The following ZNF385D variants were observed in gnomAD, a reference collection of about 807,000 sequenced individuals.
ZNF385D encodes zinc finger protein 385D, also known as zinc finger protein 659.
Under a neutral mutation model 35.8 loss-of-function variants are expected in ZNF385D, and 15 were observed. That is an observed-to-expected ratio of 0.42 (90% CI 0.28 to 0.64). The LOEUF (loss-of-function observed/expected upper bound fraction) is 0.64. Ranked by LOEUF, ZNF385D falls within the 30% of genes least tolerant of loss-of-function variation. The probability of loss-of-function intolerance (pLI) is 0.23; values close to 1 mark genes in which losing one functional copy is unlikely to be tolerated. For synonymous variants in ZNF385D, 212 were observed against 186.8 expected (o/e 1.13, Z -1.10); for missense variants, 474 against 494.6 (o/e 0.96, Z 0.39).
intron 3 of ZNF385D, among the ~76,000 whole-genome samples, chr3:22,045,409 C>T (rs1306758428): frequency 6.6e-6 from 1 of 152,190 alleles, no homozygotes; most frequent in East Asian, 1.9e-4. Flanking sequence ...AGATGATATC[C>T]AGAACTGAAG....
intron 2 of ZNF385D, among the ~76,000 whole-genome samples, chr3:21,608,012 C>CTTTTTTTTTTTTTTTT (rs368555930): frequency 1.1e-4 from 14 of 123,946 alleles, no homozygotes; most frequent in African/African-American, 4.1e-4. Flanking sequence ...TCTTTTTCTT[C>CTTTTTTTTTTTTTTTT]TTTTTTTTTT....
chr3:21,689,728 T>C (rs1481206250), intron 1 of ZNF385D, among the ~76,000 whole-genome samples: 2 of 152,108 alleles, frequency 1.3e-5, no homozygotes, highest in African/African-American at 4.8e-5. Flanking sequence ...CCTGTAGGGC[T>C]AATTACCACA....
chr3:22,327,159 T>TA (rs1293667683), intron 2 of ZNF385D, among the ~76,000 whole-genome samples: 1 of 152,072 alleles, frequency 6.6e-6, no homozygotes, highest in Non-Finnish European at 1.5e-5. Flanking sequence ...AATCTCACCC[T>TA]ACCACCCTTA....
rs192746522 is a variant in ZNF385D at position 22,179,017 on chromosome 3, G to A, written c.107-9982C>T. On this transcript the variant is annotated intron_variant, in intron 2 of 5. Transcript: ENST00000494108. ...GTAGTATAGTTTGAAGTCAGGCAGC[G>A]TGATGCCTCCAGCTTTGTTCTTTTG... Among the ~76,000 whole-genome samples the A allele has an allele frequency of 1.2e-3, 178 of 152,178 alleles. 1 individual carries two copies. The highest frequency in any genetic ancestry group is 3.7e-3 in the African/African-American group (154 of 41,542).
At chr3:22,049,666 TTTA>T (rs1401942910) in intron 3 of ZNF385D, among the ~76,000 whole-genome samples, 1 of 152,194 alleles carries the variant, frequency 6.6e-6, no homozygotes. Flanking sequence ...ATATATGGCC[TTTA>T]TTGTGTCGAA....
At chr3:21,874,131 T>C (rs561065063) in intron 3 of ZNF385D, among the ~76,000 whole-genome samples, 1 of 152,170 alleles carries the variant, frequency 6.6e-6, no homozygotes, top group South Asian at 2.1e-4. Context: ...GGGTTCCATT[T>C]TTTCCATATT....
At chr3:21,836,413 T>C (rs1462660725) in intron 3 of ZNF385D, among the ~76,000 whole-genome samples, 1 of 152,106 alleles carries the variant, frequency 6.6e-6, no homozygotes, top group African/African-American at 2.4e-5. Flanking sequence ...AAACAAGATA[T>C]GAAGACTGTG....
At chr3:21,867,862 G>C (rs373230060) in intron 3 of ZNF385D, among the ~76,000 whole-genome samples, 1 of 151,938 alleles carries the variant, frequency 6.6e-6, no homozygotes, top group South Asian at 2.1e-4. Flanking sequence ...TGTCACTCTT[G>C]AACACTTAAA....
At chr3:22,012,721 A>G (rs907833823) in intron 3 of ZNF385D, among the ~76,000 whole-genome samples, 13 of 152,120 alleles carry the variant, frequency 8.5e-5, no homozygotes, top group Non-Finnish European at 1.3e-4. Flanking sequence ...TGAGTTCCCA[A>G]TGGTGCCTAC....
chr3:21,727,964 G>C (rs977262081), intron 1 of ZNF385D, among the ~76,000 whole-genome samples: 5 of 151,334 alleles, frequency 3.3e-5, no homozygotes, highest in African/African-American at 1.2e-4. Context: ...CCATAAAAAA[G>C]GATGAGTTCA....
chr3:22,195,103 C>CA (rs1696320760), intron 2 of ZNF385D, among the ~76,000 whole-genome samples: 2 of 151,748 alleles, frequency 1.3e-5, no homozygotes, highest in African/African-American at 2.4e-5. Context: ...ATGAGAGTTC[C>CA]AATTGCTCCC....
chr3:21,592,073 T>C (rs530751668), intron 2 of ZNF385D, among the ~76,000 whole-genome samples: 2 of 152,184 alleles, frequency 1.3e-5, no homozygotes, highest in Non-Finnish European at 2.9e-5. Flanking sequence ...TAATAACATG[T>C]GACATATAGG....
intron 3 of ZNF385D, chr3:22,168,687 G>A (rs777810957): frequency 2.1e-6 from 1 of 470,164 alleles, no homozygotes; most frequent in Non-Finnish European, 2.8e-6. Flanking sequence ...GTACTCTGCT[G>A]ATAAAAATTT....
chr3:21,470,936 G>C (rs1168953468), intron 4 of ZNF385D, among the ~76,000 whole-genome samples: 1 of 152,068 alleles, frequency 6.6e-6, no homozygotes, highest in East Asian at 1.9e-4. Flanking sequence ...GAGTCTGATA[G>C]TAGACTAAAG....
At chr3:21,786,618 T>C (rs754919946) in intron 3 of ZNF385D, among the ~76,000 whole-genome samples, 3 of 152,180 alleles carry the variant, frequency 2.0e-5, no homozygotes, top group Non-Finnish European at 4.4e-5. Context: ...ATATCTCCCA[T>C]TGTGCAAAAA....
At chr3:21,984,941 G>A (rs200098517) in intron 3 of ZNF385D, among the ~76,000 whole-genome samples, 12,909 of 145,658 alleles carry the variant, frequency 0.089, 775 homozygotes, top group South Asian at 0.21. Context: ...GTGAATGGGA[G>A]TTCACTCATG....
Position 21,916,359 on chromosome 3 carries a change from T to G in ZNF385D, c.326-251331A>C, listed in dbSNP as rs1210172963. On this transcript the variant is annotated intron_variant, in intron 3 of 5. Transcript: ENST00000494108. ...TTGTTCTTCAAACTAACCCTCCACA[T>G]TACTGATTTGATTTTCTGTTGGGTT... 2.0e-5 allele frequency among the ~76,000 whole-genome samples: 3 copies of G among 152,306 alleles called. No individual in the cohort carries two copies. In the East Asian group the frequency reaches 5.8e-4, roughly 29 times the overall value.
At chr3:21,674,379 C>T (rs879767712) in intron 1 of ZNF385D, among the ~76,000 whole-genome samples, 1 of 151,996 alleles carries the variant, frequency 6.6e-6, no homozygotes, top group Non-Finnish European at 1.5e-5. Context: ...TAGAGTGGGA[C>T]ACTATACATA....
chr3:22,279,481 A>ATG (rs1666831731), intron 2 of ZNF385D, among the ~76,000 whole-genome samples: 3 of 128,928 alleles, frequency 2.3e-5, no homozygotes, highest in African/African-American at 8.6e-5. Flanking sequence ...GTATATATAT[A>ATG]TATATGGAAT....
Sources: allele counts gnomAD v4.1 joint callset (sites outside exome capture counted in the v4.1 genomes callset), GRCh38; gene constraint gnomAD v4.1.1; transcripts MANE v1.5; gene names NCBI Gene and HGNC (gene_info 2026-07-23, HGNC 2026-07-21).